Variants in ACSL3 observed in about 807,000 individuals in gnomAD.
ACSL3 encodes acyl-CoA synthetase long chain family member 3, also known as fatty acid CoA ligase Acsl3.
Under a neutral mutation model 84.7 loss-of-function variants are expected in ACSL3, and 34 were observed. That is an observed-to-expected ratio of 0.40 (90% confidence interval 0.31 to 0.53). The LOEUF (loss-of-function observed/expected upper bound fraction) is 0.53. Among genes scored for constraint, ACSL3 ranks in the 20% least tolerant of loss-of-function variants. The pLI is 0.48. For synonymous variants in ACSL3, 315 were observed against 299.4 expected (o/e 1.05, Z -0.54); for missense variants, 680 against 873.1 (o/e 0.78, Z 2.79).
At chr2:222,933,378 A>T in intron 15 of ACSL3, 98 bp downstream of exon 15, 1 of 795,030 alleles carries the variant, frequency 1.3e-6, no homozygotes, top group South Asian at 2.0e-5. Flanking sequence ...TGTTCCGAGA[A>T]CTCTTCCTAT....
chr2:222,879,630 C>T (rs1695540103), intron 1 of ACSL3, among the ~76,000 whole-genome samples: 1 of 152,230 alleles, frequency 6.6e-6, no homozygotes, highest in African/African-American at 2.4e-5. Context: ...TTCCATACCC[C>T]ATTCCAAGTT....
At chr2:222,923,487 G>A (rs558298881) in intron 10 of ACSL3, among the ~76,000 whole-genome samples, 11 of 152,184 alleles carry the variant, frequency 7.2e-5, no homozygotes, top group Non-Finnish European at 1.2e-4. Context: ...GAAAGTGTGA[G>A]ATCACCTCCT....
intron 6 of ACSL3, 103 bp from the exon 7 acceptor site, chr2:222,918,961 G>T: frequency 4.3e-6 from 6 of 1,384,580 alleles, no homozygotes; most frequent in Non-Finnish European, 5.8e-6. Context: ...CTTTTTTGAG[G>T]CAAGAAATTA....
chr2:222,868,834 G>A (rs535729161), intron 1 of ACSL3, among the ~76,000 whole-genome samples: 4 of 152,146 alleles, frequency 2.6e-5, no homozygotes, highest in African/African-American at 9.6e-5. Context: ...GCTGGGTGTG[G>A]TAGCGGGTGC....
At chr2:222,912,667 T>C (rs1402943733) in intron 4 of ACSL3, among the ~76,000 whole-genome samples, 6 of 152,176 alleles carry the variant, frequency 3.9e-5, no homozygotes, top group Non-Finnish European at 2.9e-5. Flanking sequence ...TTCCATCTTA[T>C]CCCAACAGTC....
At chr2:222,911,915 A>G (rs1696449406) in intron 4 of ACSL3, among the ~76,000 whole-genome samples, 1 of 152,200 alleles carries the variant, frequency 6.6e-6, no homozygotes, top group African/African-American at 2.4e-5. Context: ...TTTTTTAGCA[A>G]CTTTTTCTGT....
intron 16 of ACSL3, among the ~76,000 whole-genome samples, chr2:222,936,829 C>T (rs567651029): frequency 4.5e-4 from 69 of 152,094 alleles, no homozygotes; most frequent in African/African-American, 1.6e-3. Flanking sequence ...AAAGGGACAT[C>T]TTACATGGCG....
At chr2:222,923,664 T>C (rs925588920) in intron 10 of ACSL3, among the ~76,000 whole-genome samples, 4 of 152,186 alleles carry the variant, frequency 2.6e-5, no homozygotes, top group African/African-American at 9.7e-5. Flanking sequence ...GGGGCAGCAG[T>C]GATTTTCTGG....
chr2:222,922,583 A>C (rs1200547342), intron 8 of ACSL3, 125 bp from the exon 9 acceptor site: 5 of 1,168,952 alleles, frequency 4.3e-6, no homozygotes, highest in Non-Finnish European at 6.1e-6. Context: ...AAACACATAC[A>C]CACTTGACCA....
chr2:222,923,515 G>GA (rs1375409192), intron 10 of ACSL3, among the ~76,000 whole-genome samples: 2 of 152,320 alleles, frequency 1.3e-5, no homozygotes, highest in African/African-American at 4.8e-5. Context: ...AAGCTGTATA[G>GA]TTACCTCCTG....
chr2:222,925,729 G>A (rs1221477444), intron 11 of ACSL3, among the ~76,000 whole-genome samples: 1 of 152,136 alleles, frequency 6.6e-6, no homozygotes, highest in Non-Finnish European at 1.5e-5. Flanking sequence ...AACACTTAGG[G>A]AGTTTTAATT....
rs1697401671 is a variant in ACSL3, at chr2:222,944,210, T to C, written c.*2556T>C. On this transcript the variant is annotated 3_prime_UTR_variant, in exon 17 of 17. Transcript: ENST00000357430. ...GATATTTATAATGTTCTCTAAAGCTTGCAACTTTTTCAGCAACGTTTAAAA... is the reference window on the plus strand; with the variant it reads ...GATATTTATAATGTTCTCTAAAGCTCGCAACTTTTTCAGCAACGTTTAAAA... 6.6e-6 allele frequency: 1 copy of C among 152,166 alleles called. No individual in the cohort carries two copies. The allele number at this position is 152,166 out of a possible 1,614,324, so 9.4% of individuals were successfully genotyped here. A position where few individuals can be genotyped will look rare whatever the true frequency, so the allele number is the denominator to read the frequency against.
At chr2:222,913,313 C>CTGTT (rs964438352) in intron 4 of ACSL3, among the ~76,000 whole-genome samples, 3 of 152,102 alleles carry the variant, frequency 2.0e-5, no homozygotes, top group Admixed American at 6.5e-5. Flanking sequence ...TTTTTTTACC[C>CTGTT]TGTTTGTGTA....
chr2:222,890,740 C>G (rs1695826333), intron 2 of ACSL3, among the ~76,000 whole-genome samples: 1 of 152,122 alleles, frequency 6.6e-6, no homozygotes, highest in African/African-American at 2.4e-5. Context: ...CTCCCAGACT[C>G]TGGTGATTCT....
intron 1 of ACSL3, among the ~76,000 whole-genome samples, chr2:222,870,557 G>A (rs933125466): frequency 1.3e-5 from 2 of 152,200 alleles, no homozygotes; most frequent in Non-Finnish European, 2.9e-5. Flanking sequence ...TTCAGGCTGG[G>A]GCTAGGGCCA....
chr2:222,862,918 G>A (rs752086675), intron 1 of ACSL3, among the ~76,000 whole-genome samples: 12 of 152,286 alleles, frequency 7.9e-5, no homozygotes, highest in Non-Finnish European at 1.5e-4. Flanking sequence ...AATGAAGAAC[G>A]CACAAATTAT....
At chr2:222,887,536 C>T (rs1695752433) in intron 1 of ACSL3, among the ~76,000 whole-genome samples, 1 of 152,154 alleles carries the variant, frequency 6.6e-6, no homozygotes, top group Non-Finnish European at 1.5e-5. Context: ...TGCATTCCCA[C>T]CAGCAATGAA....
chr2:222,906,920 T>C (rs1171246472), intron 3 of ACSL3, among the ~76,000 whole-genome samples: 1 of 152,210 alleles, frequency 6.6e-6, no homozygotes, highest in Non-Finnish European at 1.5e-5. Flanking sequence ...AATGTCTGTG[T>C]TGTTTTTGAC....
chr2:222,928,580 G>A (rs1277811328), intron 12 of ACSL3, among the ~76,000 whole-genome samples: 1 of 151,606 alleles, frequency 6.6e-6, no homozygotes, highest in East Asian at 1.9e-4. Context: ...TGAAATGTGG[G>A]CCCATTGTTG....
Sources: allele counts gnomAD v4.1 joint callset (sites outside exome capture counted in the v4.1 genomes callset), GRCh38; gene constraint gnomAD v4.1.1; transcripts MANE v1.5; gene names NCBI Gene and HGNC (gene_info 2026-07-23, HGNC 2026-07-21).